The following DDX47 variants were observed in gnomAD, a reference collection of about 807,000 sequenced individuals.
DDX47 encodes DEAD-box helicase 47, also known as probable ATP-dependent RNA helicase DDX47.
In DDX47, 60 loss-of-function variants were observed where a neutral mutation model predicts 58.8. That is an observed-to-expected ratio of 1.02 (90% CI 0.83 to 1.26). The LOEUF (loss-of-function observed/expected upper bound fraction) is 1.26, where lower values mean the gene tolerates loss of function less well. Among genes scored for constraint, DDX47 ranks in the 50% most tolerant of loss-of-function variants. The pLI, the probability that DDX47 is intolerant of heterozygous loss-of-function variation, is 0.00. For synonymous variants in DDX47, 197 were observed against 204.6 expected, an observed-to-expected ratio of 0.96 and a Z score of 0.32; for missense variants, 530 against 573.2, an observed-to-expected ratio of 0.92 and a Z score of 0.77.
Position 12,821,291 on chromosome 12 carries a change from A to G in DDX47, c.265A>G (p.Thr89Ala). 1 of 1,614,000 alleles carries G rather than the reference A, an allele frequency of 6.2e-7. No individual in the cohort carries two copies. Among genetic ancestry groups the G allele is most frequent in the Non-Finnish European group, 8.5e-7 (1 of 1,180,004 alleles). Residue 89 changes from threonine to alanine, a missense_variant, in exon 3 of 12, where the codon ACC becomes GCC. Coordinates refer to ENST00000358007, the MANE Select transcript of DDX47 (RefSeq NM_016355.4). ...GCCCATTCTAAACGCACTGCTGGAG[A>G]CCCCGCAGCGTTTGTTTGCCCTAGT... ...ALPILNALLE[T>A]PQRLFALVLT...
intron 10 of DDX47, 90 bp from the exon 11 acceptor site, chr12:12,827,156 C>T (rs1863063729): frequency 2.1e-6 from 3 of 1,452,994 alleles, no homozygotes. Context: ...CCTATGGTTC[C>T]TATTGCGTTG....
At chr12:12,823,713 AGAT>A in intron 7 of DDX47, 154 bp from the exon 8 acceptor site, 1 of 701,648 alleles carries the variant, frequency 1.4e-6, no homozygotes, top group Non-Finnish European at 2.4e-6. Context: ...TGGTTCACAG[AGAT>A]GATAATGCTG....
chr12:12,820,041 A>G (rs1170461755), intron 2 of DDX47, among the ~76,000 whole-genome samples: 1 of 140,466 alleles, frequency 7.1e-6, no homozygotes, highest in Non-Finnish European at 1.7e-5. Context: ...CAGCAGTTAC[A>G]CAGTCAGAAC....
At chr12:12,816,414 C>T (rs1297536414) in intron 2 of DDX47, among the ~76,000 whole-genome samples, 4 of 152,236 alleles carry the variant, frequency 2.6e-5, no homozygotes, top group African/African-American at 9.6e-5. Context: ...TTGATTTAAT[C>T]ACTTCACAAA....
At chr12:12,814,690 AG>A (rs1304841528) in intron 2 of DDX47, 1 of 157,584 alleles carries the variant, frequency 6.3e-6, no homozygotes, top group Admixed American at 6.3e-5. Flanking sequence ...TTTAAGATGG[AG>A]TTTTTTTTGA....
At chr12:12,827,864 CTTTTCTT>C (rs1283538780) in intron 11 of DDX47, among the ~76,000 whole-genome samples, 1 of 103,600 alleles carries the variant, frequency 9.7e-6, no homozygotes, top group African/African-American at 3.4e-5. Flanking sequence ...AGATCCAAAA[CTTTTCTT>C]TTTTCTTTTT....
rs116572985 is a variant in DDX47 at position 12,823,638 on chromosome 12, T to A, written c.751-232T>A. The A allele has an allele frequency of 3.2e-3, 1,801 of 567,022 alleles. 25 individuals are homozygous for A. Among genetic ancestry groups the A allele is most frequent in the African/African-American group, 0.03 (1,605 of 53,526 alleles). The allele number at this position is 567,022 out of a possible 1,614,324, so 35.1% of individuals were successfully genotyped here. On this transcript the variant is annotated intron_variant, in intron 7 of 11. Transcript: ENST00000358007. ...AAGCCCCTGGTTTTGTGCTTTGATA[T>A]AAGGACTTCTCCTGTTTGCTGAGTA...
Position 12,821,651 on chromosome 12 carries a change from G to A in DDX47, c.371-4G>A. The A allele has an allele frequency of 6.2e-7, 1 of 1,613,308 alleles. No homozygotes were observed. Among genetic ancestry groups the A allele is most frequent in the Non-Finnish European group, 8.5e-7 (1 of 1,179,624 alleles). ...TCGTCTCTATGTTCTTTTTTTCTCT[G>A]TAGCTGTGATTGTAGGTGGAATTGA... On this transcript the variant is annotated splice_region_variant and splice_polypyrimidine_tract_variant and intron_variant, in intron 3 of 11. Transcript: ENST00000358007.
At chr12:12,818,647 T>A (rs1256324286) in intron 2 of DDX47, among the ~76,000 whole-genome samples, 1 of 152,164 alleles carries the variant, frequency 6.6e-6, no homozygotes, top group Non-Finnish European at 1.5e-5. Context: ...TAGGATACAC[T>A]GTATGTTAGT....
At chr12:12,822,630 A>G (rs369411619) in intron 5 of DDX47, 31 bp from the exon 6 acceptor site, 59 of 1,592,930 alleles carry the variant, frequency 3.7e-5, no homozygotes, top group Non-Finnish European at 4.4e-5. Flanking sequence ...TCTGAATATC[A>G]TATTGGCATC....
At chr12:12,814,558 G>A (rs1458737417) in intron 2 of DDX47, 1 of 208,236 alleles carries the variant, frequency 4.8e-6, no homozygotes, top group Non-Finnish European at 9.7e-6. Flanking sequence ...TGTGTCTTGA[G>A]GAGTTGAGAA....
At position 12,829,529 on chromosome 12, in the gene DDX47, A is replaced by G. The variant is rs201164114; in HGVS notation, c.1343A>G (p.Lys448Arg). The G allele has an allele frequency of 5.6e-6, 9 of 1,613,954 alleles. No homozygotes were observed. The highest frequency in any genetic ancestry group is 7.6e-6 in the Non-Finnish European group (9 of 1,179,916). The change falls in exon 12 of 12, where the codon AAA becomes AGA. Residue 448 changes from lysine to arginine, a missense_variant. Transcript: ENST00000358007. The stretch of plus-strand genomic sequence containing the variant: ...GTCAGGAACAAGGTGGCTGGAGGAA[A>G]AATGAAGAAGCGGAAAGGCCGTTAA... ...IGVRNKVAGG[K>R]MKKRKGR
At chr12:12,816,459 T>G (rs1205243880) in intron 2 of DDX47, among the ~76,000 whole-genome samples, 1 of 152,156 alleles carries the variant, frequency 6.6e-6, no homozygotes, top group African/African-American at 2.4e-5. Context: ...TTGTATACCA[T>G]AAGTATAATT....
chr12:12,821,844 CTTAAG>C, intron 4 of DDX47, 116 bp from the exon 5 acceptor site: 1 of 1,202,192 alleles, frequency 8.3e-7, no homozygotes, highest in Non-Finnish European at 1.2e-6. Context: ...TTTTTAATTT[CTTAAG>C]TTAAATTTGG....
At position 12,816,332 on chromosome 12, in the gene DDX47, T is replaced by A. The variant is rs75321210; in HGVS notation, c.181+2108T>A. ...AATGTTTTGTGTATTTGAAAATTGC[T>A]AGGAGAGTGGATCTTAAATGGTCTC... On this transcript the variant is annotated intron_variant, in intron 2 of 11. Transcript: ENST00000358007. 6.3e-3 allele frequency among the ~76,000 whole-genome samples: 963 copies of A among 152,280 alleles called. 6 individuals are homozygous for A. The highest frequency in any genetic ancestry group is 9.8e-3 in the Non-Finnish European group (669 of 68,002).
intron 4 of DDX47, 45 bp from the exon 5 acceptor site, chr12:12,821,920 T>C: frequency 2.3e-6 from 3 of 1,326,944 alleles, no homozygotes; most frequent in Non-Finnish European, 3.2e-6. Context: ...TTTTTTTTTG[T>C]CCTGTTCTGA....
At chr12:12,822,580 C>A in intron 5 of DDX47, 81 bp from the exon 6 acceptor site, 1 of 1,146,550 alleles carries the variant, frequency 8.7e-7, no homozygotes, top group South Asian at 1.3e-5. Context: ...TTGTTAGTGT[C>A]TACCTCCTTC....
intron 7 of DDX47, 47 bp downstream of exon 7, chr12:12,823,366 C>G (rs1039506350): frequency 1.8e-6 from 2 of 1,133,160 alleles, no homozygotes; most frequent in African/African-American, 3.1e-5. Flanking sequence ...CTTCTTTTCA[C>G]CAAAGCATCT....
chr12:12,823,602 T>A (rs1201778070), intron 7 of DDX47: 1 of 549,998 alleles, frequency 1.8e-6, no homozygotes, highest in Non-Finnish European at 3.2e-6. Context: ...ATGTGGCTTT[T>A]ATTTAGGATG....
Sources: allele counts gnomAD v4.1 joint callset (sites outside exome capture counted in the v4.1 genomes callset), GRCh38; gene constraint gnomAD v4.1.1; transcripts MANE v1.5; gene names NCBI Gene and HGNC (gene_info 2026-07-23, HGNC 2026-07-21).